Variants in TAF4B observed in about 807,000 individuals in gnomAD.
TAF4B encodes TATA-box binding protein associated factor 4b.
In TAF4B, 38 loss-of-function variants were observed where a neutral mutation model predicts 86.4. The observed-to-expected ratio is 0.44, with a 90% CI of 0.34 to 0.58. TAF4B has a LOEUF of 0.58. Ranked by LOEUF, TAF4B falls within the 20% of genes least tolerant of loss-of-function variation. The pLI, the probability that TAF4B is intolerant of heterozygous loss-of-function variation, is 0.02. For synonymous variants in TAF4B, 388 were observed against 391.2 expected (o/e 0.99, Z 0.10); for missense variants, 988 against 1,027.6 (o/e 0.96, Z 0.53).
At chr18:26,358,964 T>C (rs767585582) in intron 14 of TAF4B, among the ~76,000 whole-genome samples, 4 of 152,176 alleles carry the variant, frequency 2.6e-5, no homozygotes, top group African/African-American at 4.8e-5. Flanking sequence ...TCTAGTTCTT[T>C]TTCATTTTAA....
At chr18:26,336,624 T>G (rs1250320131) in intron 13 of TAF4B, among the ~76,000 whole-genome samples, 2 of 152,134 alleles carry the variant, frequency 1.3e-5, no homozygotes, top group African/African-American at 4.8e-5. Flanking sequence ...CAGTGGAAAA[T>G]GTATCTAAAA....
At chr18:26,328,389 G>A (rs370173968) in intron 12 of TAF4B, among the ~76,000 whole-genome samples, 42 of 152,190 alleles carry the variant, frequency 2.8e-4, no homozygotes, top group East Asian at 1.7e-3. Flanking sequence ...GGTGGAGGTT[G>A]CAGTGAGCTG....
chr18:26,281,778 G>A (rs1010352477), intron 5 of TAF4B, among the ~76,000 whole-genome samples, 193 bp from the exon 6 acceptor site: 5 of 152,026 alleles, frequency 3.3e-5, no homozygotes, highest in African/African-American at 1.2e-4. Context: ...CCCCTTCATT[G>A]TATTCTCTAT....
At chr18:26,240,250 T>C (rs1320182620) in intron 1 of TAF4B, among the ~76,000 whole-genome samples, 1 of 152,120 alleles carries the variant, frequency 6.6e-6, no homozygotes, top group Non-Finnish European at 1.5e-5. Context: ...TGTGTCCTCT[T>C]TTATTTCATT....
At chr18:26,304,646 G>A (rs2056775882) in intron 9 of TAF4B, 3 of 865,426 alleles carry the variant, frequency 3.5e-6, no homozygotes, top group Non-Finnish European at 4.2e-6. Context: ...TTACCCAGGA[G>A]TCTCAGATAC....
chr18:26,328,256 CT>C (rs1224019611), intron 12 of TAF4B, among the ~76,000 whole-genome samples: 4 of 152,086 alleles, frequency 2.6e-5, no homozygotes, highest in Non-Finnish European at 5.9e-5. Context: ...CGAGACTATC[CT>C]GGCCAACATG....
chr18:26,300,651 G>A (rs1370620948), intron 9 of TAF4B, among the ~76,000 whole-genome samples: 1 of 151,960 alleles, frequency 6.6e-6, no homozygotes, highest in Non-Finnish European at 1.5e-5. Context: ...TTCTCAGTGT[G>A]ACTAATTTTG....
rs570233474 is a variant in TAF4B at position 26,305,859 on chromosome 18, G to A, written c.1833-9370G>A. ...TCAGCATGGCAGTTCCATGAAGTTTGTATAGAATTGTGTGATTAGGTTAAT... is the reference window on the plus strand; with the variant it reads ...TCAGCATGGCAGTTCCATGAAGTTTATATAGAATTGTGTGATTAGGTTAAT... On this transcript the variant is annotated intron_variant, in intron 9 of 14. Transcript: ENST00000269142. Among the ~76,000 whole-genome samples, 4 of 152,236 alleles carry A rather than the reference G, an allele frequency of 2.6e-5. No homozygotes were observed. In the East Asian group the frequency reaches 5.8e-4, roughly 22 times the overall value.
At chr18:26,361,744 CAAAAA>C (rs112740348) in intron 14 of TAF4B, among the ~76,000 whole-genome samples, 6 of 78,048 alleles carry the variant, frequency 7.7e-5, no homozygotes, top group Non-Finnish European at 1.6e-4. Context: ...GACTCCGTCT[CAAAAA>C]AAAAAAAAAA....
chr18:26,330,431 C>T (rs901589425), intron 12 of TAF4B, among the ~76,000 whole-genome samples: 1 of 152,128 alleles, frequency 6.6e-6, no homozygotes, highest in East Asian at 1.9e-4. Flanking sequence ...CCAGGCCCAG[C>T]TTATACTTTT....
intron 12 of TAF4B, among the ~76,000 whole-genome samples, chr18:26,328,126 T>A (rs992068181): frequency 6.6e-6 from 1 of 152,208 alleles, no homozygotes; most frequent in Non-Finnish European, 1.5e-5. Context: ...TATTTGTTCC[T>A]AATCACATAG....
At chr18:26,384,633 A>G (rs891057360) in intron 14 of TAF4B, among the ~76,000 whole-genome samples, 1 of 152,210 alleles carries the variant, frequency 6.6e-6, no homozygotes, top group African/African-American at 2.4e-5. Context: ...GGAAAAGTTT[A>G]ACTAGTTTTA....
intron 1 of TAF4B, among the ~76,000 whole-genome samples, chr18:26,249,464 T>A (rs1305636070): frequency 6.7e-6 from 1 of 148,898 alleles, no homozygotes; most frequent in East Asian, 2.0e-4. Context: ...AGAGCAAAAC[T>A]CTCTCTCTCT....
chr18:26,246,546 T>G (rs138003877), intron 1 of TAF4B, among the ~76,000 whole-genome samples: 1 of 151,918 alleles, frequency 6.6e-6, no homozygotes, highest in East Asian at 1.9e-4. Context: ...TGTGGTTTTT[T>G]TTTTCTGGAT....
rs1271211108 is a variant in TAF4B, at chr18:26,286,508, C to T, written c.1590+9C>T. On this transcript the variant is annotated intron_variant, in intron 7 of 14. Coordinates refer to ENST00000269142, the MANE Select transcript of TAF4B (RefSeq NM_005640.3). ...TTCAAGTCAAGCAACTAGTGAGTAACATTTTGTTTCTTCCCCAGTTACTTA... is the reference window on the plus strand; with the variant it reads ...TTCAAGTCAAGCAACTAGTGAGTAATATTTTGTTTCTTCCCCAGTTACTTA... The T allele has an allele frequency of 3.8e-6, 6 of 1,577,106 alleles. No individual in the cohort carries two copies. The highest frequency in any genetic ancestry group is 5.1e-6 in the Non-Finnish European group (6 of 1,167,896).
Position 26,327,117 on chromosome 18 carries a change from G to C in TAF4B, c.2236G>C (p.Glu746Gln). Residue 746 changes from glutamate (E) to glutamine (Q), a missense_variant, in exon 12 of 15, where the codon GAA becomes CAA. Transcript: ENST00000269142. ...GCAGAGAAAGGATTTGGAAGAAAGA[G>C]AAATGTTACTTAAGGCAGCCAAGGT... ...EKQRKDLEER[E>Q]MLLKAAKSRS... 6.2e-7 allele frequency: 1 copy of C among 1,613,050 alleles called. No homozygotes were observed. Among genetic ancestry groups the C allele is most frequent in the Non-Finnish European group, 8.5e-7 (1 of 1,179,798 alleles).
At chr18:26,351,845 G>A (rs367844937) in intron 13 of TAF4B, among the ~76,000 whole-genome samples, 1 of 152,158 alleles carries the variant, frequency 6.6e-6, no homozygotes, top group African/African-American at 2.4e-5. Flanking sequence ...TAACACCAGC[G>A]ATTTTCACTG....
chr18:26,389,832 T>C lies in TAF4B; in HGVS notation c.2422-13T>C, dbSNP rs758647457. 2.5e-6 allele frequency: 4 copies of C among 1,598,284 alleles called. No individual in the cohort carries two copies. Among genetic ancestry groups the C allele is most frequent in the Non-Finnish European group, 3.4e-6 (4 of 1,175,394 alleles). ...TTTTTATTTCAAATTGCTTTTCCTTTTATTATTTTTAGGGCTTAAAAGACA... is the reference window on the plus strand; with the variant it reads ...TTTTTATTTCAAATTGCTTTTCCTTCTATTATTTTTAGGGCTTAAAAGACA... On this transcript the variant is annotated splice_polypyrimidine_tract_variant and intron_variant, in intron 14 of 14. Transcript: ENST00000269142.
At chr18:26,341,311 A>G (rs2057133281) in intron 13 of TAF4B, among the ~76,000 whole-genome samples, 1 of 152,186 alleles carries the variant, frequency 6.6e-6, no homozygotes, top group African/African-American at 2.4e-5. Flanking sequence ...CACTAACTGT[A>G]GGAACATTTA....
Sources: gnomAD v4.1 joint callset for allele counts (sites outside exome capture counted in the v4.1 genomes callset) on GRCh38, gnomAD v4.1.1 for gene constraint, MANE v1.5 for transcripts, NCBI Gene and HGNC (gene_info 2026-07-23, HGNC 2026-07-21) for gene names.